Variants in EIF1B observed in about 807,000 individuals in gnomAD.
EIF1B encodes the protein protein translation factor SUI1 homolog GC20.
EIF1B carries 5 observed loss-of-function variants against 14.8 expected under a neutral mutation model. The observed-to-expected ratio is 0.34, with a 90% CI of 0.18 to 0.71. The LOEUF (loss-of-function observed/expected upper bound fraction) is 0.71, where lower values mean the gene tolerates loss of function less well. Among genes scored for constraint, EIF1B ranks in the 30% least tolerant of loss-of-function variants. EIF1B has a pLI of 0.64. For missense variants in EIF1B, 56 were observed against 134.0 expected (o/e 0.42, Z 2.87); for synonymous variants, 45 against 45.8 (o/e 0.98, Z 0.07).
At position 40,311,290 on chromosome 3, in the gene EIF1B, T is replaced by C. The variant is rs1005273038; in HGVS notation, c.196-180T>C. The C allele has an allele frequency of 4.2e-5, 25 of 600,578 alleles. No homozygotes were observed. The Admixed American group carries it at 5.2e-4, about 13-fold the overall frequency. 37.2% of individuals were successfully genotyped at this position (600,578 alleles called of 1,614,324 possible). ...ATGTGAAATATTTAGTTCTTGATGTTACACATAAAATCATTTCCTGGTTTA... is the reference window on the plus strand; with the variant it reads ...ATGTGAAATATTTAGTTCTTGATGTCACACATAAAATCATTTCCTGGTTTA... On this transcript the variant is annotated intron_variant, in intron 2 of 3. Coordinates refer to ENST00000232905, the MANE Select transcript of EIF1B (RefSeq NM_005875.3).
chr3:40,312,220 C>T lies in EIF1B; in HGVS notation c.*206C>T. ...AAATTGCAGTAAGATGGTAACAAAA[C>T]CTCATATTGTCTTTACATGTTTCCA... On this transcript the variant is annotated 3_prime_UTR_variant, in exon 4 of 4. Coordinates refer to ENST00000232905, the MANE Select transcript of EIF1B (RefSeq NM_005875.3). 1 of 531,388 alleles carries T rather than the reference C, an allele frequency of 1.9e-6. No individual in the cohort carries two copies. The highest frequency in any genetic ancestry group is 5.0e-4 in the Middle Eastern group (1 of 2,008). The allele number at this position is 531,388 out of a possible 1,614,324, so 32.9% of individuals were successfully genotyped here.
intron 3 of EIF1B, 49 bp downstream of exon 3, chr3:40,311,620 T>C (rs1954327105): frequency 1.4e-6 from 2 of 1,425,332 alleles, no homozygotes; most frequent in Non-Finnish European, 9.9e-7. Context: ...CTTTTAAAAT[T>C]GTATTTAAAG....
At chr3:40,311,267 G>C (rs1954323055) in intron 2 of EIF1B, 1 of 594,870 alleles carries the variant, frequency 1.7e-6, no homozygotes, top group Admixed American at 3.6e-5. Flanking sequence ...AAATTTAAAT[G>C]TGAAATATTT....
At chr3:40,310,054 G>T in intron 1 of EIF1B, 82 bp downstream of exon 1, 5 of 1,578,092 alleles carry the variant, frequency 3.2e-6, no homozygotes, top group Non-Finnish European at 4.3e-6. Context: ...GCCCCTAGGG[G>T]CCCCCTTTCT....
intron 1 of EIF1B, among the ~76,000 whole-genome samples, chr3:40,310,290 C>T (rs555770185): frequency 6.6e-6 from 1 of 152,256 alleles, no homozygotes; most frequent in South Asian, 2.1e-4. Context: ...TAGATCGGCC[C>T]TGCTACTTGC....
At chr3:40,311,708 T>C (rs2125570026) in intron 3 of EIF1B, 137 bp downstream of exon 3, 3 of 763,156 alleles carry the variant, frequency 3.9e-6, no homozygotes, top group Non-Finnish European at 6.5e-6. Flanking sequence ...ATGGTAGTTA[T>C]TTGGAAAGCA....
At chr3:40,311,601 T>C (rs1348212263) in intron 3 of EIF1B, 30 bp downstream of exon 3, 1 of 1,518,034 alleles carries the variant, frequency 6.6e-7, no homozygotes, top group Non-Finnish European at 9.1e-7. Context: ...ATGTGTAACC[T>C]TGAGATTGCT....
intron 2 of EIF1B, 126 bp from the exon 3 acceptor site, chr3:40,311,344 T>C: frequency 1.5e-6 from 1 of 676,050 alleles, no homozygotes; most frequent in South Asian, 2.4e-5. Flanking sequence ...TTGTGGATTA[T>C]AGGAGACAAA....
At position 40,309,816 on chromosome 3, in the gene EIF1B, C is replaced by A; in HGVS notation, c.-126C>A. 8.1e-7 allele frequency: 1 copy of A among 1,230,294 alleles called. No homozygotes were observed. The highest frequency in any genetic ancestry group is 1.2e-6 in the Non-Finnish European group (1 of 851,094). The allele number at this position is 1,230,294 out of a possible 1,614,324, so 76.2% of individuals were successfully genotyped here. On this transcript the variant is annotated 5_prime_UTR_variant, in exon 1 of 4. Coordinates refer to ENST00000232905, the MANE Select transcript of EIF1B (RefSeq NM_005875.3). ...TCCGCCGCCGCCACTCCAGCCTAAT[C>A]CCAACCCCAGGGCGAAGCGTTTTCT...
In EIF1B at chr3:40,312,057, C is replaced by T. The variant is rs1188699244; in HGVS notation, c.*43C>T. On this transcript the variant is annotated 3_prime_UTR_variant, in exon 4 of 4. Transcript: ENST00000232905. ...GGAGAATTTCTTGAATAGTTTTGTT[C>T]TCTAAACCCGGTTTGGCTGCCTTGT... 2.7e-5 allele frequency: 40 copies of T among 1,454,702 alleles called. No homozygotes were observed. The highest frequency in any genetic ancestry group is 3.7e-5 in the Non-Finnish European group (38 of 1,040,348). 90.1% of individuals were successfully genotyped at this position (1,454,702 alleles called of 1,614,324 possible).
chr3:40,311,376 C>T lies in EIF1B; in HGVS notation c.196-94C>T, dbSNP rs74979250. 335 of 862,592 alleles carry T rather than the reference C, an allele frequency of 3.9e-4. No homozygotes were observed. In the African/African-American group the frequency reaches 5.0e-3, roughly 13 times the overall value. 53.4% of individuals were successfully genotyped at this position (862,592 alleles called of 1,614,324 possible). On this transcript the variant is annotated intron_variant, in intron 2 of 3. Coordinates refer to ENST00000232905, the MANE Select transcript of EIF1B (RefSeq NM_005875.3). Reference sequence around the variant, plus strand: ...CAAAATCTGTTTCTCTAAATATGATCTAGCTTACTGAAATGGCTAATTCTG... The same window carrying T: ...CAAAATCTGTTTCTCTAAATATGATTTAGCTTACTGAAATGGCTAATTCTG...
At chr3:40,311,263 A>G (rs1954322998) in intron 2 of EIF1B, 1 of 599,078 alleles carries the variant, frequency 1.7e-6, no homozygotes, top group Non-Finnish European at 2.8e-6. Context: ...AAATAAATTT[A>G]AATGTGAAAT....
At chr3:40,311,880 A>T in intron 3 of EIF1B, 90 bp from the exon 4 acceptor site, 1 of 1,024,566 alleles carries the variant, frequency 9.8e-7, no homozygotes, top group Non-Finnish European at 1.5e-6. Flanking sequence ...AGCTGTTGAT[A>T]GTGATTCTTT....
chr3:40,311,330 A>G (rs1392976017), intron 2 of EIF1B, 140 bp from the exon 3 acceptor site: 3 of 623,042 alleles, frequency 4.8e-6, no homozygotes, highest in East Asian at 5.8e-5. Flanking sequence ...TTAATTTGGA[A>G]GGATTGTGGA....
Position 40,311,995 on chromosome 3 carries a change from T to G in EIF1B, c.323T>G (p.Leu108Arg). Residue 108 changes from leucine to arginine, a missense_variant, in exon 4 of 4, where the codon CTT becomes CGT. By Grantham distance (102) the Leu-to-Arg change is moderately radical. Transcript: ENST00000232905. Reference protein sequence around the residue: ...LEVGIVKEEQLKVHGF With the variant: ...LEVGIVKEEQRKVHGF ...GTTGGCATTGTAAAGGAGGAACAGC[T>G]TAAGGTTCATGGATTCTAAAATGAA... 6.2e-7 allele frequency: 1 copy of G among 1,610,056 alleles called. No homozygotes were observed. Among genetic ancestry groups the G allele is most frequent in the Non-Finnish European group, 8.5e-7 (1 of 1,176,798 alleles).
In EIF1B at chr3:40,309,789, C is replaced by T. The variant is rs1370438857; in HGVS notation, c.-153C>T. 5 of 864,770 alleles carry T rather than the reference C, an allele frequency of 5.8e-6. No individual in the cohort carries two copies. The African/African-American group carries it at 8.4e-5, about 15-fold the overall frequency. The allele number at this position is 864,770 out of a possible 1,614,324, so 53.6% of individuals were successfully genotyped here. The stretch of plus-strand genomic sequence containing the variant: ...TTCGCCTCTTCCTGCCTCCTCCCGG[C>T]TTCCGCCGCCGCCACTCCAGCCTAA... On this transcript the variant is annotated 5_prime_UTR_variant, in exon 1 of 4. Transcript: ENST00000232905.
intron 1 of EIF1B, 111 bp downstream of exon 1, chr3:40,310,083 G>A: frequency 7.0e-7 from 1 of 1,434,666 alleles, no homozygotes; most frequent in Non-Finnish European, 9.6e-7. Flanking sequence ...CGCACCCCTA[G>A]TGGGGCTTTG....
Position 40,310,079 on chromosome 3 carries a change from C to T in EIF1B, c.31+107C>T, listed in dbSNP as rs1338705438. 3.5e-6 allele frequency: 5 copies of T among 1,447,952 alleles called. No individual in the cohort carries two copies. The South Asian group carries it at 4.6e-5, about 13-fold the overall frequency. 89.7% of individuals were successfully genotyped at this position (1,447,952 alleles called of 1,614,324 possible). On this transcript the variant is annotated intron_variant, in intron 1 of 3. Coordinates refer to ENST00000232905, the MANE Select transcript of EIF1B (RefSeq NM_005875.3). Reference sequence around the variant, plus strand: ...GCCCCCTTTCTGCCCTTCCCGCACCCCTAGTGGGGCTTTGTCTCGGCGCCC... The same window carrying T: ...GCCCCCTTTCTGCCCTTCCCGCACCTCTAGTGGGGCTTTGTCTCGGCGCCC...
chr3:40,310,031 C>A, intron 1 of EIF1B, 59 bp downstream of exon 1: 1 of 1,606,296 alleles, frequency 6.2e-7, no homozygotes, highest in Non-Finnish European at 8.5e-7. Context: ...GGCCTTTTGC[C>A]CGCCTGGCCA....
Sources: gnomAD v4.1 joint callset for allele counts (sites outside exome capture counted in the v4.1 genomes callset) on GRCh38, gnomAD v4.1.1 for gene constraint, MANE v1.5 for transcripts, NCBI Gene and HGNC (gene_info 2026-07-23, HGNC 2026-07-21) for gene names.